Variants in CNTNAP2 observed in about 807,000 individuals in gnomAD.
CNTNAP2 encodes contactin associated protein 2.
In CNTNAP2, 98 loss-of-function variants were observed where a neutral mutation model predicts 155.2. The ratio of observed to expected loss-of-function variants is 0.63; its 90% CI spans 0.54 to 0.75. The LOEUF (loss-of-function observed/expected upper bound fraction) is 0.75, where lower values mean the gene tolerates loss of function less well. CNTNAP2 is among the 30% of genes least tolerant of loss of function. CNTNAP2 has a pLI of 0.00. For synonymous variants in CNTNAP2, 651 were observed against 631.2 expected, an observed-to-expected ratio of 1.03 and a Z score of -0.47; for missense variants, 1,727 against 1,688.1, an observed-to-expected ratio of 1.02 and a Z score of -0.40.
chr7:147,104,977 A>C (rs543522816), intron 4 of CNTNAP2, among the ~76,000 whole-genome samples: 3 of 148,172 alleles, frequency 2.0e-5, no homozygotes, highest in African/African-American at 7.4e-5. Flanking sequence ...AAAATGTAGG[A>C]TATGCACCAG....
intron 21 of CNTNAP2, among the ~76,000 whole-genome samples, chr7:148,288,080 G>A (rs199588448): frequency 3.4e-5 from 5 of 148,798 alleles, no homozygotes; most frequent in African/African-American, 5.0e-5. Context: ...GTGAGCCACC[G>A]CGCCCAACCT....
At chr7:146,621,286 C>T (rs1563159984) in intron 1 of CNTNAP2, among the ~76,000 whole-genome samples, 2 of 152,152 alleles carry the variant, frequency 1.3e-5, no homozygotes, top group African/African-American at 4.8e-5. Flanking sequence ...CCAGTTTCCC[C>T]TATTAACTTT....
At chr7:147,469,668 G>T (rs957911834) in intron 10 of CNTNAP2, among the ~76,000 whole-genome samples, 9 of 151,774 alleles carry the variant, frequency 5.9e-5, no homozygotes, top group African/African-American at 2.2e-4. Context: ...ACAGGCGCCC[G>T]CCACCACGCC....
intron 10 of CNTNAP2, among the ~76,000 whole-genome samples, chr7:147,476,620 T>G (rs187476124): frequency 1.3e-5 from 2 of 151,894 alleles, no homozygotes; most frequent in African/African-American, 2.4e-5. Flanking sequence ...GCCCCTGCAG[T>G]GTGTAATCAA....
At chr7:147,674,931 A>G (rs1482927333) in intron 13 of CNTNAP2, among the ~76,000 whole-genome samples, 1 of 151,320 alleles carries the variant, frequency 6.6e-6, no homozygotes, top group Non-Finnish European at 1.5e-5. Context: ...CCATTTTCCT[A>G]TCAGCTGTTT....
intron 14 of CNTNAP2, among the ~76,000 whole-genome samples, chr7:147,961,242 T>C (rs1218778228): frequency 1.3e-5 from 2 of 152,142 alleles, no homozygotes; most frequent in Non-Finnish European, 2.9e-5. Context: ...AATGAAAAAA[T>C]CCATGTATCT....
intron 1 of CNTNAP2, among the ~76,000 whole-genome samples, chr7:146,632,753 A>G (rs62481800): frequency 0.18 from 27,232 of 151,898 alleles, 4,279 homozygotes; most frequent in African/African-American, 0.42. Context: ...AAATTTATAA[A>G]CAATCATGTA....
intron 13 of CNTNAP2, among the ~76,000 whole-genome samples, chr7:147,758,450 A>T (rs1258437929): frequency 6.6e-6 from 1 of 152,200 alleles, no homozygotes; most frequent in Non-Finnish European, 1.5e-5. Context: ...ACATCAAGGA[A>T]GAGCCAAATA....
At chr7:147,492,342 A>T (rs1456175559) in intron 11 of CNTNAP2, among the ~76,000 whole-genome samples, 2 of 152,220 alleles carry the variant, frequency 1.3e-5, no homozygotes, top group Non-Finnish European at 2.9e-5. Context: ...AGGCCCAGTT[A>T]CTAACGGGTT....
intron 1 of CNTNAP2, among the ~76,000 whole-genome samples, chr7:146,588,786 G>A (rs1284933828): frequency 6.6e-6 from 1 of 152,052 alleles, no homozygotes; most frequent in Non-Finnish European, 1.5e-5. Context: ...TGGGGTTACA[G>A]GTGTGAGCCA....
chr7:146,454,251 G>C lies in CNTNAP2; in HGVS notation c.98-320020G>C, dbSNP rs935109979. 2.0e-5 allele frequency among the ~76,000 whole-genome samples: 3 copies of C among 152,172 alleles called. 1 individual carries two copies. The Middle Eastern group carries it at 0.01, about 518-fold the overall frequency. On this transcript the variant is annotated intron_variant, in intron 1 of 23. Transcript: ENST00000361727. ...TGTTATAGATATTTTTTAAACCTTA[G>C]ATCTGTCGGCCATTTCTTAGTATTC...
chr7:146,864,525 G>T (rs1005385600), intron 3 of CNTNAP2, among the ~76,000 whole-genome samples: 2 of 152,078 alleles, frequency 1.3e-5, no homozygotes, highest in Non-Finnish European at 2.9e-5. Context: ...ATGAGAAAAA[G>T]ATATGTTTTT....
chr7:146,953,220 T>C (rs942118590), intron 3 of CNTNAP2, among the ~76,000 whole-genome samples: 3 of 151,978 alleles, frequency 2.0e-5, no homozygotes, highest in Non-Finnish European at 2.9e-5. Context: ...TAAGCATTTT[T>C]GCTGCTCAAG....
chr7:146,143,477 G>A (rs1424424943), intron 1 of CNTNAP2, among the ~76,000 whole-genome samples: 2 of 151,932 alleles, frequency 1.3e-5, no homozygotes, highest in African/African-American at 4.8e-5. Flanking sequence ...AGAAAATTAT[G>A]TCCAGTCTTC....
chr7:146,643,070 G>C (rs1177420722), intron 1 of CNTNAP2, among the ~76,000 whole-genome samples: 1 of 147,014 alleles, frequency 6.8e-6, no homozygotes, highest in African/African-American at 2.6e-5. Context: ...CCCTTTGTCA[G>C]ATGAGTAGGT....
intron 15 of CNTNAP2, among the ~76,000 whole-genome samples, chr7:148,096,019 C>T (rs1266617518): frequency 4.6e-5 from 7 of 151,926 alleles, no homozygotes; most frequent in South Asian, 4.2e-4. Flanking sequence ...TTTCACAGGG[C>T]GCAGAGAGTT....
intron 1 of CNTNAP2, among the ~76,000 whole-genome samples, chr7:146,605,086 AC>A (rs765367590): frequency 0.019 from 2,333 of 122,482 alleles, 79 homozygotes; most frequent in South Asian, 0.035. Context: ...AAAAAAAACA[AC>A]AAAAAAAAAA....
At chr7:146,988,923 C>A (rs544921799) in intron 3 of CNTNAP2, among the ~76,000 whole-genome samples, 2 of 152,176 alleles carry the variant, frequency 1.3e-5, no homozygotes, top group Non-Finnish European at 2.9e-5. Context: ...TGTTTTTCAG[C>A]TTCCTGATGA....
At chr7:148,307,779 G>T (rs1001036100) in intron 21 of CNTNAP2, among the ~76,000 whole-genome samples, 6 of 152,032 alleles carry the variant, frequency 3.9e-5, no homozygotes, top group African/African-American at 1.4e-4. Flanking sequence ...ATCAGCCTGG[G>T]CAACATGACA....
Sources: gnomAD v4.1 joint callset for allele counts (sites outside exome capture counted in the v4.1 genomes callset) on GRCh38, gnomAD v4.1.1 for gene constraint, MANE v1.5 for transcripts, NCBI Gene and HGNC (gene_info 2026-07-23, HGNC 2026-07-21) for gene names.